The following POLN variants were observed in gnomAD, a reference collection of about 807,000 sequenced individuals.
POLN encodes DNA polymerase nu, also known as DNA polymerase N.
In POLN, 108 loss-of-function variants were observed where a neutral mutation model predicts 113.5. The ratio of observed to expected loss-of-function variants is 0.95; its 90% CI spans 0.81 to 1.12. POLN has a LOEUF of 1.12. Among genes scored for constraint, POLN ranks in the 50% most tolerant of loss-of-function variants. POLN has a pLI of 0.00. For missense variants in POLN, 1,097 were observed against 1,077.1 expected, an observed-to-expected ratio of 1.02 and a Z score of -0.26; for synonymous variants, 386 against 391.5, an observed-to-expected ratio of 0.99 and a Z score of 0.17.
intron 23 of POLN, 72 bp downstream of exon 23, chr4:2,080,886 G>A (rs532306772): frequency 1.2e-4 from 191 of 1,608,846 alleles, no homozygotes; most frequent in Non-Finnish European, 8.0e-5. Context: ...TCAGAATCAC[G>A]AGCCCCGAGG....
intron 19 of POLN, among the ~76,000 whole-genome samples, chr4:2,097,630 G>C (rs1052946643): frequency 4.0e-5 from 6 of 148,950 alleles, no homozygotes; most frequent in Admixed American, 2.0e-4. Context: ...TTACAGGCGT[G>C]AGCCACCGCA....
At chr4:2,175,513 T>G (rs1168237583) in intron 9 of POLN, among the ~76,000 whole-genome samples, 1 of 152,246 alleles carries the variant, frequency 6.6e-6, no homozygotes, top group Non-Finnish European at 1.5e-5. Context: ...TGGATTAATT[T>G]GAGGAACATT....
At chr4:2,159,776 C>A (rs1292718489) in intron 13 of POLN, among the ~76,000 whole-genome samples, 1 of 152,146 alleles carries the variant, frequency 6.6e-6, no homozygotes, top group East Asian at 1.9e-4. Flanking sequence ...TGTTTCCTGT[C>A]GTTGGTCCAA....
intron 10 of POLN, 22 bp downstream of exon 10, chr4:2,174,669 C>T (rs1560082224): frequency 1.9e-6 from 3 of 1,583,416 alleles, no homozygotes; most frequent in Non-Finnish European, 2.6e-6. Context: ...AATGGCTGTA[C>T]TTCATCTTTA....
At chr4:2,125,038 T>G (rs1473729903) in intron 19 of POLN, among the ~76,000 whole-genome samples, 1 of 152,178 alleles carries the variant, frequency 6.6e-6, no homozygotes, top group African/African-American at 2.4e-5. Context: ...AGGGTTATAT[T>G]TAGGGCAATC....
At chr4:2,086,723 G>A (rs1730559338) in intron 20 of POLN, among the ~76,000 whole-genome samples, 1 of 152,216 alleles carries the variant, frequency 6.6e-6, no homozygotes, top group Admixed American at 6.5e-5. Flanking sequence ...ATCCTTGGAA[G>A]GAACCCCAGA....
At chr4:2,160,684 C>T (rs1413255658) in intron 13 of POLN, among the ~76,000 whole-genome samples, 1 of 152,224 alleles carries the variant, frequency 6.6e-6, no homozygotes, top group African/African-American at 2.4e-5. Flanking sequence ...GTTGGTATTA[C>T]AAGCATGAGC....
intron 3 of POLN, among the ~76,000 whole-genome samples, chr4:2,216,973 G>A (rs974879337): frequency 2.0e-5 from 3 of 152,216 alleles, no homozygotes; most frequent in Non-Finnish European, 4.4e-5. Context: ...CGCAGCAGAT[G>A]GCAGAGGCTA....
At chr4:2,087,163 A>G (rs1235209576) in intron 20 of POLN, among the ~76,000 whole-genome samples, 1 of 152,240 alleles carries the variant, frequency 6.6e-6, no homozygotes, top group East Asian at 1.9e-4. Flanking sequence ...TAGTCCTTCT[A>G]TGCCCAGGAC....
chr4:2,236,180 C>T (rs546287030), intron 2 of POLN: 1 of 1,128,446 alleles, frequency 8.9e-7, no homozygotes. Context: ...TCTTTTACAA[C>T]AAGCATTTTT....
chr4:2,212,415 C>A (rs1734014638), intron 4 of POLN, among the ~76,000 whole-genome samples: 1 of 152,152 alleles, frequency 6.6e-6, no homozygotes. Flanking sequence ...TGCTCTGTTG[C>A]CCAGGCTGGA....
chr4:2,179,288 C>T lies in POLN; in HGVS notation c.1179+20G>A. 1 of 1,599,334 alleles carries T rather than the reference C, an allele frequency of 6.3e-7. No homozygotes were observed. Among genetic ancestry groups the T allele is most frequent in the Non-Finnish European group, 8.5e-7 (1 of 1,172,014 alleles). ...ATAGGATGTATTAAGGTTGATAAAA[C>T]TTTATCTTAAACAACTCACCACAAT... On this transcript the variant is annotated intron_variant, in intron 8 of 25. Transcript: ENST00000511885.
chr4:2,096,507 C>T (rs1423604591), intron 19 of POLN, among the ~76,000 whole-genome samples: 1 of 152,102 alleles, frequency 6.6e-6, no homozygotes, highest in African/African-American at 2.4e-5. Flanking sequence ...AGCACAGGAG[C>T]TCCAGAGCAC....
intron 19 of POLN, among the ~76,000 whole-genome samples, chr4:2,123,646 G>GA (rs1024594869): frequency 7.3e-5 from 9 of 123,212 alleles, no homozygotes; most frequent in Non-Finnish European, 8.9e-5. Context: ...AAAAAAAAAA[G>GA]AAAAAAAAAT....
chr4:2,198,718 C>T lies in POLN; in HGVS notation c.715-1G>A, dbSNP rs778053551. 2 of 1,599,112 alleles carry T rather than the reference C, an allele frequency of 1.3e-6. No homozygotes were observed. The highest frequency in any genetic ancestry group is 1.7e-6 in the Non-Finnish European group (2 of 1,172,820). On this transcript the variant is annotated splice_acceptor_variant, in intron 5 of 25. Coordinates refer to ENST00000511885, the MANE Select transcript of POLN (RefSeq NM_181808.4). LOFTEE classifies it high-confidence loss of function. The stretch of plus-strand genomic sequence containing the variant: ...TTCCTCTAACAGAAGAAACGGGGGT[C>T]TGTGGAAACACAACAAAATAAATTA...
intron 10 of POLN, among the ~76,000 whole-genome samples, chr4:2,174,325 G>A (rs1374332029): frequency 6.6e-6 from 1 of 152,240 alleles, no homozygotes; most frequent in Non-Finnish European, 1.5e-5. Flanking sequence ...GCGGTCAAAG[G>A]CAAAGGCAGA....
intron 16 of POLN, among the ~76,000 whole-genome samples, chr4:2,148,393 C>T (rs62288013): frequency 2.6e-5 from 4 of 151,954 alleles, no homozygotes; most frequent in Non-Finnish European, 5.9e-5. Flanking sequence ...AATAGGCCGG[C>T]TACGGTGGCT....
rs76455594 is a variant in POLN, at chr4:2,220,732, G to A, written c.134-7606C>T. On this transcript the variant is annotated intron_variant, in intron 3 of 25. Coordinates refer to ENST00000511885, the MANE Select transcript of POLN (RefSeq NM_181808.4). Reference sequence around the variant, plus strand: ...ACATTCCCTGTTCAAATTACTCTACGGTTTCTGTCCCTTGACTGGACTGTA... The same window carrying A: ...ACATTCCCTGTTCAAATTACTCTACAGTTTCTGTCCCTTGACTGGACTGTA... 4.4e-3 allele frequency among the ~76,000 whole-genome samples: 664 copies of A among 152,180 alleles called. 8 individuals carry two copies. The highest frequency in any genetic ancestry group is 0.015 in the African/African-American group (628 of 41,524).
chr4:2,081,147 G>T, intron 22 of POLN, 111 bp from the exon 23 acceptor site: 1 of 1,600,244 alleles, frequency 6.2e-7, no homozygotes. Context: ...AGAGGTGCTG[G>T]CTCTGAGCTG....
Sources: gnomAD v4.1 joint callset for allele counts (sites outside exome capture counted in the v4.1 genomes callset) on GRCh38, gnomAD v4.1.1 for gene constraint, MANE v1.5 for transcripts, NCBI Gene and HGNC (gene_info 2026-07-23, HGNC 2026-07-21) for gene names.